The following AMBRA1 variants were observed in gnomAD, a reference collection of about 807,000 sequenced individuals.
The protein encoded by AMBRA1 is autophagy and beclin 1 regulator 1.
Under a neutral mutation model 125.4 loss-of-function variants are expected in AMBRA1, and 47 were observed. That is an observed-to-expected ratio of 0.37 (90% CI 0.30 to 0.48). The LOEUF is 0.48. Among genes scored for constraint, AMBRA1 ranks in the 20% least tolerant of loss-of-function variants. The pLI, the probability that AMBRA1 is intolerant of heterozygous loss-of-function variation, is 0.99. For synonymous variants in AMBRA1, 626 were observed against 655.5 expected, an observed-to-expected ratio of 0.95 and a Z score of 0.69; for missense variants, 1,331 against 1,693.4, an observed-to-expected ratio of 0.79 and a Z score of 3.76.
At chr11:46,472,876 G>A (rs1949658418) in intron 11 of AMBRA1, among the ~76,000 whole-genome samples, 1 of 152,130 alleles carries the variant, frequency 6.6e-6, no homozygotes, top group African/African-American at 2.4e-5. Context: ...CATGCTCCAG[G>A]AAACACAGGC....
chr11:46,538,006 C>T (rs149368788), intron 7 of AMBRA1, among the ~76,000 whole-genome samples: 21 of 152,292 alleles, frequency 1.4e-4, no homozygotes, highest in African/African-American at 2.2e-4. Flanking sequence ...CAGCAGCAGC[C>T]CAACAGTGAC....
chr11:46,570,493 T>A (rs1455910260), intron 1 of AMBRA1, among the ~76,000 whole-genome samples: 1 of 152,152 alleles, frequency 6.6e-6, no homozygotes, highest in Non-Finnish European at 1.5e-5. Context: ...CTGATCATTT[T>A]AAAAACATTC....
intron 14 of AMBRA1, among the ~76,000 whole-genome samples, chr11:46,421,863 C>A (rs1389127576): frequency 1.3e-5 from 2 of 152,142 alleles, no homozygotes; most frequent in Admixed American, 6.5e-5. Flanking sequence ...TAGATTTCCA[C>A]GGGGACTGGC....
chr11:46,563,842 C>CA (rs1262343623), intron 1 of AMBRA1, among the ~76,000 whole-genome samples: 1,928 of 46,064 alleles, frequency 0.042, 36 homozygotes, highest in South Asian at 0.086. Flanking sequence ...GAGACTGTCT[C>CA]AAAAAAAAAA....
intron 11 of AMBRA1, among the ~76,000 whole-genome samples, chr11:46,456,489 G>A (rs1400952914): frequency 6.6e-6 from 1 of 152,198 alleles, no homozygotes; most frequent in Non-Finnish European, 1.5e-5. Context: ...GGGTGCCTCA[G>A]CAGCATAAGA....
At chr11:46,399,585 G>A (rs1017416927) in intron 17 of AMBRA1, among the ~76,000 whole-genome samples, 1 of 151,924 alleles carries the variant, frequency 6.6e-6, no homozygotes, top group East Asian at 1.9e-4. Flanking sequence ...GGCTGCTCTC[G>A]ACCTCCTGAC....
chr11:46,543,227 C>T lies in AMBRA1; in HGVS notation c.790G>A (p.Asp264Asn), dbSNP rs1159000476. 6.2e-7 allele frequency: 1 copy of T among 1,612,106 alleles called. No individual in the cohort carries two copies. The highest frequency in any genetic ancestry group is 1.7e-5 in the Admixed American group (1 of 59,742). Residue 264 changes from aspartate to asparagine, a missense_variant, in exon 7 of 18, where the codon GAT (aspartate) becomes AAT (asparagine). Asp to Asn is a conservative substitution (Grantham distance 23). Coordinates refer to ENST00000683756, the MANE Select transcript of AMBRA1 (RefSeq NM_001387011.1). ...IQVGEQSTVQ[D>N]SATPSPPPPP... ...GGTGGGGGTGAGGGGGTAGCAGAATCTTGCACTGTGCTTTGCTCTCCCACC... is the reference window on the plus strand; with the variant it reads ...GGTGGGGGTGAGGGGGTAGCAGAATTTTGCACTGTGCTTTGCTCTCCCACC...
chr11:46,495,804 T>C (rs537089845), intron 9 of AMBRA1, among the ~76,000 whole-genome samples: 105 of 152,354 alleles, frequency 6.9e-4, no homozygotes, highest in African/African-American at 2.4e-3. Context: ...AAAAGTACAA[T>C]TGAATTCATG....
Position 46,493,615 on chromosome 11 carries a change from G to A in AMBRA1, c.2514C>T (p.Val838=), listed in dbSNP as rs757907400. ...GLATHSSVNR[V]LAGAVIGDGQ... Reference sequence around the variant, plus strand: ...AAAGAAACATTTCCTTACCTGCCAGGACCCTGTTAACAGAAGAGTGAGTAG... The same window carrying A: ...AAAGAAACATTTCCTTACCTGCCAGAACCCTGTTAACAGAAGAGTGAGTAG... Residue 838 remains valine, a synonymous_variant, in exon 11 of 18, where the codon GTC becomes GTT. Transcript: ENST00000683756. 1 of 1,604,134 alleles carries A rather than the reference G, an allele frequency of 6.2e-7. No homozygotes were observed. Among genetic ancestry groups the A allele is most frequent in the Non-Finnish European group, 8.5e-7 (1 of 1,176,942 alleles).
At chr11:46,455,047 A>G (rs559777150) in intron 11 of AMBRA1, among the ~76,000 whole-genome samples, 1 of 151,966 alleles carries the variant, frequency 6.6e-6, no homozygotes, top group East Asian at 1.9e-4. Flanking sequence ...ACACCCAGCT[A>G]ATTAAAAAAA....
At chr11:46,422,869 C>G (rs1170064880) in intron 14 of AMBRA1, among the ~76,000 whole-genome samples, 1 of 152,124 alleles carries the variant, frequency 6.6e-6, no homozygotes, top group Non-Finnish European at 1.5e-5. Flanking sequence ...GGCAGATCTT[C>G]TTTAAGACAA....
intron 9 of AMBRA1, among the ~76,000 whole-genome samples, chr11:46,498,537 C>G (rs954589404): frequency 1.3e-5 from 2 of 152,108 alleles, no homozygotes; most frequent in African/African-American, 4.8e-5. Flanking sequence ...AATCAAGTAT[C>G]CAAAATAAGT....
Position 46,517,931 on chromosome 11 carries a change from T to G in AMBRA1, c.2073-5118A>C, listed in dbSNP as rs191568133. Among the ~76,000 whole-genome samples the G allele has an allele frequency of 5.0e-3, 748 of 149,948 alleles. 1 individual carries two copies. The highest frequency in any genetic ancestry group is 0.01 in the Middle Eastern group (3 of 290). ...AAGTATACCCATATTCGTATATATATAGAGAGAGAGAGAACAAAAGAAGAT... is the reference window on the plus strand; with the variant it reads ...AAGTATACCCATATTCGTATATATAGAGAGAGAGAGAGAACAAAAGAAGAT... On this transcript the variant is annotated intron_variant, in intron 7 of 17. Coordinates refer to ENST00000683756, the MANE Select transcript of AMBRA1 (RefSeq NM_001387011.1).
intron 7 of AMBRA1, among the ~76,000 whole-genome samples, chr11:46,533,934 G>A (rs991318903): frequency 2.6e-5 from 4 of 151,730 alleles, no homozygotes; most frequent in Non-Finnish European, 5.9e-5. Context: ...CAGAGATTTT[G>A]CATTCGCCCT....
At chr11:46,483,008 C>CAA (rs1163975208) in intron 11 of AMBRA1, among the ~76,000 whole-genome samples, 1,452 of 94,542 alleles carry the variant, frequency 0.015, 22 homozygotes, top group African/African-American at 0.054. Context: ...GACTCTGTCT[C>CAA]AAAAAAAAAA....
Position 46,567,160 on chromosome 11 carries a change from T to C in AMBRA1, c.-120-18660A>G, listed in dbSNP as rs574117022. On this transcript the variant is annotated intron_variant, in intron 1 of 17. Coordinates refer to ENST00000683756, the MANE Select transcript of AMBRA1 (RefSeq NM_001387011.1). ...CATCTCGACTTACTGCAGCCTCCGCTTTCCGGATTCAAGCTATTCTCATGC... is the reference window on the plus strand; with the variant it reads ...CATCTCGACTTACTGCAGCCTCCGCCTTCCGGATTCAAGCTATTCTCATGC... Among the ~76,000 whole-genome samples, 51 of 152,204 alleles carry C rather than the reference T, an allele frequency of 3.4e-4. 2 individuals are homozygous for C. Among genetic ancestry groups the C allele is most frequent in the Admixed American group, 1.8e-3 (28 of 15,280 alleles).
chr11:46,523,447 A>G (rs1016710960), intron 7 of AMBRA1, among the ~76,000 whole-genome samples: 22 of 152,168 alleles, frequency 1.4e-4, no homozygotes, highest in African/African-American at 5.3e-4. Context: ...CCGTTCCCAA[A>G]AAGATTCGCA....
intron 14 of AMBRA1, among the ~76,000 whole-genome samples, chr11:46,421,650 T>C (rs1322787403): frequency 5.3e-5 from 8 of 152,184 alleles, no homozygotes; most frequent in Non-Finnish European, 1.0e-4. Flanking sequence ...GTCTACCCCT[T>C]TCCCGGGCCA....
At chr11:46,459,006 A>G (rs1364110342) in intron 11 of AMBRA1, among the ~76,000 whole-genome samples, 2 of 152,230 alleles carry the variant, frequency 1.3e-5, no homozygotes, top group African/African-American at 2.4e-5. Flanking sequence ...AAGCAACTAT[A>G]TTTTGCAAAA....
Sources: allele counts gnomAD v4.1 joint callset (sites outside exome capture counted in the v4.1 genomes callset), GRCh38; gene constraint gnomAD v4.1.1; transcripts MANE v1.5; gene names NCBI Gene and HGNC (gene_info 2026-07-23, HGNC 2026-07-21).